TICRR: variants seen among roughly 807,000 people sequenced by gnomAD.
The protein encoded by TICRR is TOPBP1 interacting checkpoint and replication regulator.
A neutral mutation model predicts 178.1 loss-of-function variants in TICRR; 132 were observed. The ratio of observed to expected loss-of-function variants is 0.74; its 90% CI spans 0.64 to 0.86. The LOEUF (loss-of-function observed/expected upper bound fraction) is 0.86, where lower values mean the gene tolerates loss of function less well. Ranked by LOEUF, TICRR falls within the 40% of genes least tolerant of loss-of-function variation. The probability of loss-of-function intolerance (pLI) is 0.00; values close to 1 mark genes in which losing one functional copy is unlikely to be tolerated. For missense variants in TICRR, 2,587 were observed against 2,334.3 expected (o/e 1.11, Z -2.23); for synonymous variants, 991 against 900.7 (o/e 1.10, Z -1.79).
In TICRR at chr15:89,606,837, T is replaced by C; in HGVS notation, c.2722+12T>C. The stretch of plus-strand genomic sequence containing the variant: ...AGATACAGTGCAAGGTATACTGTTT[T>C]CTCAGTGTATGTATTTATTCACTAG... On this transcript the variant is annotated intron_variant, in intron 14 of 21. Coordinates refer to ENST00000268138, the MANE Select transcript of TICRR (RefSeq NM_152259.4). The C allele has an allele frequency of 6.2e-7, 1 of 1,611,140 alleles. No individual in the cohort carries two copies. Among genetic ancestry groups the C allele is most frequent in the Non-Finnish European group, 8.5e-7 (1 of 1,177,404 alleles).
At chr15:89,592,236 A>C in intron 5 of TICRR, 60 bp downstream of exon 5, 1 of 1,507,034 alleles carries the variant, frequency 6.6e-7, no homozygotes, top group Admixed American at 1.7e-5. Flanking sequence ...AGTTATCTGC[A>C]TTTTTTTCTT....
At chr15:89,622,234 C>T (rs1480812195) in intron 19 of TICRR, among the ~76,000 whole-genome samples, 6 of 152,110 alleles carry the variant, frequency 3.9e-5, no homozygotes, top group Admixed American at 6.5e-5. Context: ...GATCCACCTG[C>T]CTCAGCCTTC....
In TICRR at chr15:89,601,578, A is replaced by G. The variant is rs1395798363; in HGVS notation, c.2327+10A>G. ...AGGAAATTTTGAGATTGTAAGTTTG[A>G]TGGTTACTAACTTAACTTTAAAATT... On this transcript the variant is annotated intron_variant, in intron 11 of 21. Transcript: ENST00000268138. 7.4e-6 allele frequency: 12 copies of G among 1,613,326 alleles called. No individual in the cohort carries two copies. Among genetic ancestry groups the G allele is most frequent in the Non-Finnish European group, 8.5e-6 (10 of 1,179,260 alleles).
intron 5 of TICRR, among the ~76,000 whole-genome samples, chr15:89,592,745 G>A (rs1489123700): frequency 6.6e-6 from 1 of 152,120 alleles, no homozygotes; most frequent in East Asian, 1.9e-4. Context: ...ATTAAAAGAC[G>A]AACAATATTA....
At chr15:89,596,369 T>C (rs1176092248) in intron 7 of TICRR, among the ~76,000 whole-genome samples, 2 of 152,124 alleles carry the variant, frequency 1.3e-5, no homozygotes, top group African/African-American at 2.4e-5. Flanking sequence ...TTTTTGAGAC[T>C]GAGTTTTGCT....
chr15:89,594,667 A>C (rs551622239), intron 6 of TICRR, 113 bp downstream of exon 6: 1 of 837,612 alleles, frequency 1.2e-6, no homozygotes, highest in Non-Finnish European at 1.7e-6. Flanking sequence ...AAGAAGGGCA[A>C]ATTTTTATAT....
chr15:89,618,331 C>G (rs1596056730), intron 17 of TICRR, 121 bp downstream of exon 17: 1 of 857,824 alleles, frequency 1.2e-6, no homozygotes, highest in African/African-American at 1.7e-5. Flanking sequence ...GGCTCTGAGT[C>G]CACAATGCAG....
chr15:89,601,699 A>G, intron 11 of TICRR, 38 bp from the exon 12 acceptor site: 1 of 1,613,578 alleles, frequency 6.2e-7, no homozygotes, highest in Non-Finnish European at 8.5e-7. Flanking sequence ...AGAGGGTAAG[A>G]TGGTAACTGT....
intron 4 of TICRR, among the ~76,000 whole-genome samples, chr15:89,588,787 C>T (rs574796754): frequency 6.6e-6 from 1 of 152,192 alleles, no homozygotes; most frequent in South Asian, 2.1e-4. Context: ...GAGAGACTGA[C>T]GGTGGTGAGT....
At chr15:89,578,144 G>T (rs1962658631) in intron 1 of TICRR, among the ~76,000 whole-genome samples, 1 of 152,182 alleles carries the variant, frequency 6.6e-6, no homozygotes, top group Admixed American at 6.6e-5. Flanking sequence ...GGTCAAAAAT[G>T]TGGATTTTGT....
At chr15:89,608,649 T>C in intron 14 of TICRR, 154 bp from the exon 15 acceptor site, 1 of 557,836 alleles carries the variant, frequency 1.8e-6, no homozygotes. Context: ...TATGGGAATA[T>C]GCTATTTAAG....
Position 89,575,515 on chromosome 15 carries a change from T to C in TICRR, c.-72T>C. ...AAGGAAAGCAGTGAGTGGTGCTGTT[T>C]CCCTGAAGGAAGGGACTAAGGGACG... On this transcript the variant is annotated 5_prime_UTR_variant, in exon 1 of 22. Coordinates refer to ENST00000268138, the MANE Select transcript of TICRR (RefSeq NM_152259.4). 1 of 1,378,262 alleles carries C rather than the reference T, an allele frequency of 7.3e-7. No homozygotes were observed. Among genetic ancestry groups the C allele is most frequent in the South Asian group, 1.5e-5 (1 of 65,364 alleles). The allele number at this position is 1,378,262 out of a possible 1,614,324, so 85.4% of individuals were successfully genotyped here.
At chr15:89,607,618 A>T in intron 14 of TICRR, among the ~76,000 whole-genome samples, 1 of 152,186 alleles carries the variant, frequency 6.6e-6, no homozygotes, top group East Asian at 1.9e-4. Flanking sequence ...GGAGATAAGG[A>T]AACAATTTTT....
In TICRR at chr15:89,616,447, T is replaced by G. The variant is rs1963336775; in HGVS notation, c.2912T>G (p.Val971Gly). ...ACTAAGAGTGTGGCCGAGACTCCAG[T>G]GCATAAGCAGATCTCCAAAAGGCTG... ...LLTKSVAETP[V>G]HKQISKRLLH... Residue 971 changes from valine (V) to glycine (G), a missense_variant, in exon 16 of 22, where the codon GTG becomes GGG. By Grantham distance (109) the Val-to-Gly change is moderately radical. Transcript: ENST00000268138. The G allele has an allele frequency of 1.2e-6, 2 of 1,614,014 alleles. No homozygotes were observed. Among genetic ancestry groups the G allele is most frequent in the Non-Finnish European group, 1.7e-6 (2 of 1,179,926 alleles).
chr15:89,617,957 G>A, intron 16 of TICRR, 195 bp from the exon 17 acceptor site: 3 of 645,028 alleles, frequency 4.7e-6, no homozygotes, highest in East Asian at 5.2e-5. Context: ...CTCCTAAGGT[G>A]CTGGGATTAC....
intron 19 of TICRR, among the ~76,000 whole-genome samples, chr15:89,623,416 G>A (rs1963457124): frequency 6.6e-6 from 1 of 152,184 alleles, no homozygotes; most frequent in Admixed American, 6.5e-5. Flanking sequence ...AACTAAACTT[G>A]GATAGTGTTT....
At chr15:89,619,270 G>C (rs980185152) in intron 17 of TICRR, among the ~76,000 whole-genome samples, 9 of 124,630 alleles carry the variant, frequency 7.2e-5, no homozygotes, top group African/African-American at 2.8e-4. Context: ...CTGTCGCCCA[G>C]GCTGGAGTGC....
At chr15:89,599,245 A>C in intron 7 of TICRR, 79 bp from the exon 8 acceptor site, 1 of 1,158,070 alleles carries the variant, frequency 8.6e-7, no homozygotes, top group Non-Finnish European at 1.2e-6. Flanking sequence ...TATTTTCCCC[A>C]GTGGACAACA....
Position 89,585,827 on chromosome 15 carries a change from T to C in TICRR, c.1296T>C (p.His432=), listed in dbSNP as rs1329725298. The C allele has an allele frequency of 3.7e-6, 6 of 1,614,022 alleles. No individual in the cohort carries two copies. Among genetic ancestry groups the C allele is most frequent in the Non-Finnish European group, 5.1e-6 (6 of 1,180,024 alleles). Residue 432 remains histidine, a synonymous_variant, in exon 4 of 22, where the codon CAT becomes CAC. Coordinates refer to ENST00000268138, the MANE Select transcript of TICRR (RefSeq NM_152259.4). ...CCAAGGAGGCTGAATTTCAACGACA[T>C]GTTCTCCAAACAGCTGTGGCTGACA... The part of the protein sequence containing the change: ...CRTKEAEFQR[H]VLQTAVADSP...
Sources: allele counts gnomAD v4.1 joint callset (sites outside exome capture counted in the v4.1 genomes callset), GRCh38; gene constraint gnomAD v4.1.1; transcripts MANE v1.5; gene names NCBI Gene and HGNC (gene_info 2026-07-23, HGNC 2026-07-21).